EGFLAM: variants seen among roughly 807,000 people sequenced by gnomAD.
The protein encoded by EGFLAM is EGF like, fibronectin type III and laminin G domains.
In EGFLAM, 79 loss-of-function variants were observed where a neutral mutation model predicts 113.1. That is an observed-to-expected ratio of 0.70 (90% CI 0.58 to 0.84). EGFLAM has a LOEUF of 0.84. EGFLAM is among the 40% of genes least tolerant of loss of function. The pLI is 0.00. For synonymous variants in EGFLAM, 504 were observed against 487.6 expected, an observed-to-expected ratio of 1.03 and a Z score of -0.44; for missense variants, 1,265 against 1,291.6, an observed-to-expected ratio of 0.98 and a Z score of 0.32.
chr5:38,312,699 T>G lies in EGFLAM; in HGVS notation c.98-24821T>G, dbSNP rs182293814. On this transcript the variant is annotated intron_variant, in intron 1 of 21. Coordinates refer to ENST00000322350, the MANE Select transcript of EGFLAM (RefSeq NM_152403.4). ...CTGATTTTGTAAAGTGCCCAAAGCT[T>G]GGCACCTGACACAGTCAAAACTCAA... Among the ~76,000 whole-genome samples, 20 of 152,346 alleles carry G rather than the reference T, an allele frequency of 1.3e-4. No homozygotes were observed. In the East Asian group the frequency reaches 3.9e-3, roughly 29 times the overall value.
chr5:38,294,265 C>T (rs1424626143), intron 1 of EGFLAM, among the ~76,000 whole-genome samples: 1 of 152,172 alleles, frequency 6.6e-6, no homozygotes, highest in Non-Finnish European at 1.5e-5. Context: ...AAGAGGGAAG[C>T]CCAAGTGTGC....
intron 17 of EGFLAM, among the ~76,000 whole-genome samples, chr5:38,446,251 T>C (rs1268589812): frequency 6.6e-6 from 1 of 151,980 alleles, no homozygotes; most frequent in Non-Finnish European, 1.5e-5. Context: ...GTATCCTCCT[T>C]CTCCCTGGCC....
In EGFLAM at chr5:38,352,380, G is replaced by GGCTC. The variant is rs748042374; in HGVS notation, c.545+50_545+53dup. On this transcript the variant is annotated intron_variant, in intron 5 of 21. Coordinates refer to ENST00000322350, the MANE Select transcript of EGFLAM (RefSeq NM_152403.4). ...AAGCCAAATGTGTGCTGGGCGCGGT[G>GGCTC]GCTCACACCTGTAATCCCAGCACTT... 8.1e-4 allele frequency: 1,298 copies of GGCTC among 1,603,682 alleles called. 3 individuals carry two copies. The highest frequency in any genetic ancestry group is 9.9e-4 in the Non-Finnish European group (1,160 of 1,172,778).
At chr5:38,314,372 A>G (rs997717048) in intron 1 of EGFLAM, among the ~76,000 whole-genome samples, 5 of 152,192 alleles carry the variant, frequency 3.3e-5, no homozygotes, top group Admixed American at 2.0e-4. Context: ...TGTTTTAATT[A>G]CAGTTAAAGG....
rs776230413 is a variant in EGFLAM, at chr5:38,431,233, C to T, written c.2111C>T (p.Ala704Val). ...CACGAGCTTCGTGTATCTCGCACAGCAAAGAATGGAATCTTACAGGTGGAT... is the reference window on the plus strand; with the variant it reads ...CACGAGCTTCGTGTATCTCGCACAGTAAAGAATGGAATCTTACAGGTGGAT... Reference protein sequence around the residue: ...NWHELRVSRTAKNGILQVDKQ... With the variant: ...NWHELRVSRTVKNGILQVDKQ... Residue 704 changes from alanine (A) to valine (V), a missense_variant, in exon 15 of 22, where the codon GCA becomes GTA. Transcript: ENST00000322350. 8 of 1,614,146 alleles carry T rather than the reference C, an allele frequency of 5.0e-6. No individual in the cohort carries two copies. The highest frequency in any genetic ancestry group is 6.8e-6 in the Non-Finnish European group (8 of 1,179,998).
intron 1 of EGFLAM, chr5:38,290,512 C>T (rs1758296628): frequency 6.6e-6 from 1 of 152,254 alleles, no homozygotes; most frequent in Non-Finnish European, 1.5e-5. Flanking sequence ...TGTTCCAAAA[C>T]CCACTATCTG....
At chr5:38,322,287 G>C (rs1165175539) in intron 1 of EGFLAM, among the ~76,000 whole-genome samples, 2 of 152,224 alleles carry the variant, frequency 1.3e-5, no homozygotes, top group Non-Finnish European at 2.9e-5. Context: ...CTGAGGACCA[G>C]GAAAAGGGCT....
chr5:38,402,522 T>C (rs938075369), intron 6 of EGFLAM, among the ~76,000 whole-genome samples: 1 of 152,224 alleles, frequency 6.6e-6, no homozygotes, highest in Non-Finnish European at 1.5e-5. Flanking sequence ...ACCTCCACAG[T>C]GGCTTCTTCT....
intron 1 of EGFLAM, among the ~76,000 whole-genome samples, chr5:38,268,210 G>A (rs368956170): frequency 1.3e-5 from 2 of 152,136 alleles, no homozygotes; most frequent in African/African-American, 4.8e-5. Flanking sequence ...AATCTGGGTG[G>A]CTTGACACAA....
At chr5:38,336,570 T>TACACACACACACACACACACACACAC (rs148241267) in intron 1 of EGFLAM, among the ~76,000 whole-genome samples, 19 of 142,272 alleles carry the variant, frequency 1.3e-4, no homozygotes, top group African/African-American at 3.5e-4. Flanking sequence ...TGAGACTCCG[T>TACACACACACACACACACACACACAC]ACACACACAC....
At position 38,267,349 on chromosome 5, in the gene EGFLAM, C is replaced by T. The variant is rs186948461; in HGVS notation, c.97+8498C>T. Among the ~76,000 whole-genome samples, 29 of 152,322 alleles carry T rather than the reference C, an allele frequency of 1.9e-4. 1 individual carries two copies. The highest frequency in any genetic ancestry group is 1.7e-3 in the Admixed American group (26 of 15,296). On this transcript the variant is annotated intron_variant, in intron 1 of 21. Transcript: ENST00000322350. ...GTGCAAAACGAGTTGTATCAGCAGG[C>T]ACTTTTCTGTAACATCTGGGCACTT...
intron 6 of EGFLAM, among the ~76,000 whole-genome samples, chr5:38,384,420 A>C (rs938079977): frequency 6.6e-6 from 1 of 152,038 alleles, no homozygotes; most frequent in Non-Finnish European, 1.5e-5. Context: ...ATTCTCACCC[A>C]TATTCTGTTG....
chr5:38,395,498 C>T (rs1000972292), intron 6 of EGFLAM, among the ~76,000 whole-genome samples: 1 of 152,092 alleles, frequency 6.6e-6, no homozygotes, highest in African/African-American at 2.4e-5. Flanking sequence ...ATTATTATCT[C>T]CTAGCACTTT....
At chr5:38,272,644 C>T (rs1757791766) in intron 1 of EGFLAM, among the ~76,000 whole-genome samples, 1 of 152,100 alleles carries the variant, frequency 6.6e-6, no homozygotes, top group South Asian at 2.1e-4. Flanking sequence ...ATTTTTCATT[C>T]TTTGTTTTTT....
chr5:38,338,208 A>C (rs1739235272), intron 2 of EGFLAM, among the ~76,000 whole-genome samples: 1 of 152,184 alleles, frequency 6.6e-6, no homozygotes, highest in Non-Finnish European at 1.5e-5. Flanking sequence ...CACGGGGTCC[A>C]CATTCCTCTC....
At chr5:38,423,742 A>G (rs1741911199) in intron 12 of EGFLAM, among the ~76,000 whole-genome samples, 1 of 152,194 alleles carries the variant, frequency 6.6e-6, no homozygotes, top group Admixed American at 6.5e-5. Flanking sequence ...GCTGGAATTC[A>G]CAGAGGCTAG....
intron 1 of EGFLAM, among the ~76,000 whole-genome samples, chr5:38,310,403 T>C (rs1284510721): frequency 6.6e-6 from 1 of 152,194 alleles, no homozygotes; most frequent in East Asian, 1.9e-4. Flanking sequence ...ATGAGGTGAC[T>C]ATGAAGATTA....
chr5:38,353,028 C>A (rs1739672439), intron 5 of EGFLAM, among the ~76,000 whole-genome samples: 1 of 152,150 alleles, frequency 6.6e-6, no homozygotes, highest in African/African-American at 2.4e-5. Flanking sequence ...GGGGAAAAAT[C>A]TTTTAACAAC....
At chr5:38,331,109 G>A (rs1739029346) in intron 1 of EGFLAM, among the ~76,000 whole-genome samples, 1 of 152,154 alleles carries the variant, frequency 6.6e-6, no homozygotes, top group South Asian at 2.1e-4. Context: ...ACTATTTAGA[G>A]TTTCAAATTC....
Sources: allele counts gnomAD v4.1 joint callset (sites outside exome capture counted in the v4.1 genomes callset), GRCh38; gene constraint gnomAD v4.1.1; transcripts MANE v1.5; gene names NCBI Gene and HGNC (gene_info 2026-07-23, HGNC 2026-07-21).